The following DAAM1 variants were observed in gnomAD, a reference collection of about 807,000 sequenced individuals.
The protein encoded by DAAM1 is disheveled-associated activator of morphogenesis 1.
A neutral mutation model predicts 130.0 loss-of-function variants in DAAM1; 52 were observed. The observed-to-expected ratio is 0.40, with a 90% CI of 0.32 to 0.50. DAAM1 has a LOEUF of 0.50. Among genes scored for constraint, DAAM1 ranks in the 20% least tolerant of loss-of-function variants. The pLI is 0.61. For synonymous variants in DAAM1, 452 were observed against 444.5 expected, an observed-to-expected ratio of 1.02 and a Z score of -0.21; for missense variants, 1,134 against 1,303.8, an observed-to-expected ratio of 0.87 and a Z score of 2.01.
At chr14:59,235,922 C>G (rs898695259) in intron 1 of DAAM1, among the ~76,000 whole-genome samples, 1 of 152,008 alleles carries the variant, frequency 6.6e-6, no homozygotes, top group African/African-American at 2.4e-5. Flanking sequence ...AGAGGTGGAG[C>G]GGAGACAGAC....
At chr14:59,332,401 G>A (rs565386090) in intron 15 of DAAM1, among the ~76,000 whole-genome samples, 2 of 152,330 alleles carry the variant, frequency 1.3e-5, no homozygotes, top group Non-Finnish European at 2.9e-5. Flanking sequence ...AATTTGGCCA[G>A]TAGATGGAAC....
At position 59,331,343 on chromosome 14, in the gene DAAM1, A is replaced by T; in HGVS notation, c.1695A>T (p.Pro565=). 7.0e-7 allele frequency: 1 copy of T among 1,429,248 alleles called. No individual in the cohort carries two copies. Among genetic ancestry groups the T allele is most frequent in the South Asian group, 1.4e-5 (1 of 73,036 alleles). 88.5% of individuals were successfully genotyped at this position (1,429,248 alleles called of 1,614,324 possible). Residue 565 remains proline (P), a synonymous_variant, in exon 14 of 25, where the codon CCA becomes CCT. Transcript: ENST00000360909. ...TACCAGGTGGGATGCTTCCCCCTCC[A>T]CCGCCTCCCCTCCCTCCAGGTGGCC... ...PPLPGGMLPP[P]PPPLPPGGPP...
intron 3 of DAAM1, among the ~76,000 whole-genome samples, chr14:59,303,291 G>GT (rs1233729794): frequency 1.3e-5 from 2 of 152,298 alleles, no homozygotes; most frequent in African/African-American, 4.8e-5. Context: ...TGAGCAGATA[G>GT]TTTCAGTAAT....
intron 2 of DAAM1, 129 bp downstream of exon 2, chr14:59,263,789 A>G (rs1882298590): frequency 6.3e-6 from 7 of 1,113,100 alleles, no homozygotes; most frequent in South Asian, 1.3e-5. Context: ...ATTCACCTTT[A>G]TGTCTGCACC....
intron 2 of DAAM1, among the ~76,000 whole-genome samples, chr14:59,268,059 C>T (rs1052323341): frequency 3.9e-5 from 6 of 152,112 alleles, no homozygotes; most frequent in Middle Eastern, 3.4e-3. Flanking sequence ...CGCACCACTG[C>T]GCCCAGCTAT....
intron 3 of DAAM1, among the ~76,000 whole-genome samples, chr14:59,292,874 G>C (rs748905551): frequency 6.6e-6 from 1 of 152,098 alleles, no homozygotes; most frequent in Non-Finnish European, 1.5e-5. Context: ...ATTTCTCTTT[G>C]TATACATTGA....
rs112350305 is a variant in DAAM1, at chr14:59,307,397, TTC to T, written c.274-7878_274-7877del. 2.0e-5 allele frequency among the ~76,000 whole-genome samples: 3 copies of T among 152,332 alleles called. 1 individual carries two copies. The highest frequency in any genetic ancestry group is 7.2e-5 in the African/African-American group (3 of 41,574). On this transcript the variant is annotated intron_variant, in intron 3 of 24. Transcript: ENST00000360909. ...TGAACCAGTTGTAACATCTTCCTAG[TTC>T]TCTCATTTATTAGCAAGTTTAGTAA...
In DAAM1 at chr14:59,209,732, C is replaced by A. The variant is rs191958858; in HGVS notation, c.-38+20964C>A. On this transcript the variant is annotated intron_variant, in intron 1 of 24. Coordinates refer to ENST00000360909, the MANE Select transcript of DAAM1 (RefSeq NM_001270520.2). The stretch of plus-strand genomic sequence containing the variant: ...GTTGGTGTATTAAATGTATTTTCAA[C>A]TTACAGTGTTATCAACATACAATGG... Among the ~76,000 whole-genome samples the A allele has an allele frequency of 2.8e-3, 419 of 152,264 alleles. 3 individuals are homozygous for A. Among genetic ancestry groups the A allele is most frequent in the African/African-American group, 9.6e-3 (398 of 41,554 alleles).
At chr14:59,328,798 A>T (rs997090245) in intron 12 of DAAM1, among the ~76,000 whole-genome samples, 2 of 152,230 alleles carry the variant, frequency 1.3e-5, no homozygotes, top group Admixed American at 6.5e-5. Flanking sequence ...CACCAATGTC[A>T]GTGGGAGGAA....
intron 1 of DAAM1, among the ~76,000 whole-genome samples, chr14:59,256,434 A>G (rs1057375022): frequency 6.6e-6 from 1 of 152,080 alleles, no homozygotes; most frequent in Non-Finnish European, 1.5e-5. Flanking sequence ...GATGGATTGG[A>G]TTTCTTACTC....
intron 17 of DAAM1, 75 bp downstream of exon 17, chr14:59,347,698 G>T: frequency 1.4e-6 from 2 of 1,392,968 alleles, no homozygotes; most frequent in Non-Finnish European, 2.0e-6. Flanking sequence ...GAGAACATCC[G>T]GTTGTTGCTA....
At chr14:59,299,135 G>C (rs1884072212) in intron 3 of DAAM1, among the ~76,000 whole-genome samples, 1 of 152,158 alleles carries the variant, frequency 6.6e-6, no homozygotes, top group South Asian at 2.1e-4. Context: ...TTCAATCTAG[G>C]TATCTGCATG....
chr14:59,326,779 G>A (rs2139626481), intron 11 of DAAM1, 131 bp downstream of exon 11: 2 of 1,498,964 alleles, frequency 1.3e-6, no homozygotes, highest in East Asian at 2.3e-5. Context: ...CTGTACACAT[G>A]CACTATAGCT....
At chr14:59,206,253 C>T (rs1046061018) in intron 1 of DAAM1, among the ~76,000 whole-genome samples, 22 of 152,108 alleles carry the variant, frequency 1.4e-4, no homozygotes, top group Non-Finnish European at 3.2e-4. Context: ...CTTGATCATT[C>T]TGGGGCTCAG....
intron 1 of DAAM1, among the ~76,000 whole-genome samples, chr14:59,197,988 A>G (rs1310816691): frequency 6.6e-6 from 1 of 152,186 alleles, no homozygotes; most frequent in Non-Finnish European, 1.5e-5. Context: ...TTTCTGACGA[A>G]CAAGTTGAGG....
chr14:59,259,327 A>G (rs1195339896), intron 1 of DAAM1, among the ~76,000 whole-genome samples: 1 of 152,214 alleles, frequency 6.6e-6, no homozygotes, highest in African/African-American at 2.4e-5. Context: ...GAGAGCCCAG[A>G]CCATATCTAG....
chr14:59,275,319 A>G lies in DAAM1; in HGVS notation c.183+11659A>G, dbSNP rs549929701. Among the ~76,000 whole-genome samples the G allele has an allele frequency of 2.0e-5, 3 of 152,330 alleles. No individual in the cohort carries two copies. The East Asian group carries it at 5.8e-4, about 29-fold the overall frequency. ...GGTGGGAGGAGGGAGAGGATCAGAA[A>G]AAATAACTGTGGGTACTAGGTTTAA... On this transcript the variant is annotated intron_variant, in intron 2 of 24. Coordinates refer to ENST00000360909, the MANE Select transcript of DAAM1 (RefSeq NM_001270520.2).
At chr14:59,310,077 T>C (rs928769983) in intron 3 of DAAM1, among the ~76,000 whole-genome samples, 10 of 151,770 alleles carry the variant, frequency 6.6e-5, no homozygotes, top group Admixed American at 3.3e-4. Flanking sequence ...GGGATTGGAC[T>C]GGTGTTACCT....
At chr14:59,194,492 G>A (rs371369980) in intron 1 of DAAM1, among the ~76,000 whole-genome samples, 133 of 152,302 alleles carry the variant, frequency 8.7e-4, no homozygotes, top group Non-Finnish European at 1.3e-3. Context: ...TGTTAAGTGA[G>A]GTAACTTTTC....
Sources: allele counts gnomAD v4.1 joint callset (sites outside exome capture counted in the v4.1 genomes callset), GRCh38; gene constraint gnomAD v4.1.1; transcripts MANE v1.5; gene names NCBI Gene and HGNC (gene_info 2026-07-23, HGNC 2026-07-21).